Variants in SPTBN5 observed in about 807,000 individuals in gnomAD.
SPTBN5 encodes spectrin beta, non-erythrocytic 5.
A neutral mutation model predicts 477.6 loss-of-function variants in SPTBN5; 513 were observed. The observed-to-expected ratio is 1.07, with a 90% CI of 1.00 to 1.16. The LOEUF is 1.16. SPTBN5 is among the 50% of genes most tolerant of loss of function. The pLI, the probability that SPTBN5 is intolerant of heterozygous loss-of-function variation, is 0.00. For missense variants in SPTBN5, 5,062 were observed against 4,731.8 expected, an observed-to-expected ratio of 1.07 and a Z score of -2.05; for synonymous variants, 2,169 against 2,011.7, an observed-to-expected ratio of 1.08 and a Z score of -2.09.
intron 66 of SPTBN5, 150 bp downstream of exon 66, chr15:41,850,704 A>ATTCT (rs2065723447): frequency 2.7e-6 from 2 of 728,208 alleles, no homozygotes; most frequent in East Asian, 5.4e-5. Context: ...CAGGACCTAA[A>ATTCT]TTCTTTGAGG....
intron 33 of SPTBN5, 49 bp downstream of exon 33, chr15:41,868,349 C>T: frequency 6.4e-7 from 1 of 1,574,404 alleles, no homozygotes; most frequent in African/African-American, 1.3e-5. Context: ...TGGCCAGGCA[C>T]AGGCTTGGTC....
chr15:41,852,723 C>T lies in SPTBN5; in HGVS notation c.10360G>A (p.Asp3454Asn), dbSNP rs1461558888. The change falls in exon 61 of 68, where the codon GAT (aspartate) becomes AAT (asparagine). Residue 3454 changes from aspartate to asparagine, a missense_variant. Coordinates refer to ENST00000320955, the MANE Select transcript of SPTBN5 (RefSeq NM_016642.4). ...TGTCTGTGCAGCAGCAACTCCACAT[C>T]TGACACTGAGTGCTGGGGAGAAGCA... ...LKPDYGHSVS[D>N]VELLLHRHQD... is the part of the protein sequence containing the mutation. 6 of 1,612,986 alleles carry T rather than the reference C, an allele frequency of 3.7e-6. No individual in the cohort carries two copies. The South Asian group carries it at 6.6e-5, about 18-fold the overall frequency.
chr15:41,852,769 T>TGGTG (rs1555460253), intron 60 of SPTBN5, 34 bp from the exon 61 acceptor site: 1 of 1,272,806 alleles, frequency 7.9e-7, no homozygotes, highest in Admixed American at 2.0e-5. Context: ...ACGCCCAGCT[T>TGGTG]GGGGGGGGGG....
At chr15:41,881,892 T>C in intron 12 of SPTBN5, 44 bp downstream of exon 12, 1 of 1,484,192 alleles carries the variant, frequency 6.7e-7, no homozygotes, top group Non-Finnish European at 8.9e-7. Flanking sequence ...CCAGCCGCGG[T>C]GGAGCAAGGG....
In SPTBN5 at chr15:41,852,973, C is replaced by T; in HGVS notation, c.10198G>A (p.Gly3400Arg). The change falls in exon 60 of 68, where the codon GGG (glycine) becomes AGG (arginine). Residue 3400 changes from glycine (G) to arginine (R), a missense_variant. Physicochemically the swap from Gly to Arg is moderately radical, Grantham distance 125. Coordinates refer to ENST00000320955, the MANE Select transcript of SPTBN5 (RefSeq NM_016642.4). ...EVTECLQELE[G>R]RLQELEEAWA... ...GCCTCCTCCAGCTCCTGCAGCCGCC[C>T]TTCCAGCTCCTGCAGGCACTCTGTC... The T allele has an allele frequency of 5.1e-6, 8 of 1,557,126 alleles. No individual in the cohort carries two copies. The highest frequency in any genetic ancestry group is 6.9e-6 in the Non-Finnish European group (8 of 1,151,168).
chr15:41,892,339 T>G (rs940200780), intron 3 of SPTBN5, among the ~76,000 whole-genome samples: 4 of 150,832 alleles, frequency 2.7e-5, no homozygotes, highest in African/African-American at 9.8e-5. Flanking sequence ...GCCATGAGGG[T>G]CCCTCTGTCC....
chr15:41,857,127 G>A, intron 51 of SPTBN5, 88 bp from the exon 52 acceptor site: 1 of 1,513,250 alleles, frequency 6.6e-7, no homozygotes, highest in Non-Finnish European at 8.9e-7. Context: ...CCCAGCTGTG[G>A]CCCTCACCAT....
At position 41,871,412 on chromosome 15, in the gene SPTBN5, C is replaced by G. The variant is rs1026418310; in HGVS notation, c.5410G>C (p.Ala1804Pro). The change falls in exon 29 of 68, where the codon GCT becomes CCT. Residue 1804 changes from alanine to proline, a missense_variant. By Grantham distance (27) the Ala-to-Pro change is conservative (BLOSUM62 -1). Transcript: ENST00000320955. ...AESLLERGHS[A>P]GPMVRQRQQD... is the part of the protein sequence containing the mutation. ...TGCCTCTGACGGACCATGGGGCCAG[C>G]ACTGTGCCCACGCTCTAGCAGGCTC... 6 of 1,535,720 alleles carry G rather than the reference C, an allele frequency of 3.9e-6. No individual in the cohort carries two copies. Among genetic ancestry groups the G allele is most frequent in the Non-Finnish European group, 3.5e-6 (4 of 1,139,850 alleles).
At chr15:41,883,519 T>C (rs1415834552) in intron 7 of SPTBN5, 33 bp from the exon 8 acceptor site, 45 of 1,603,804 alleles carry the variant, frequency 2.8e-5, no homozygotes, top group Non-Finnish European at 3.7e-5. Context: ...AGATCTCCTC[T>C]GGGTTGGGGC....
In SPTBN5 at chr15:41,874,975, G is replaced by C. The variant is rs751173688; in HGVS notation, c.4369C>G (p.Leu1457Val). Residue 1457 changes from leucine (L) to valine (V), a missense_variant, in exon 23 of 68, where the codon CTG (leucine) becomes GTG (valine). Leu to Val is a conservative substitution (Grantham distance 32). Transcript: ENST00000320955. ...TCCAGCTGTTGGTGCCGTTTCTGCA[G>C]CCTCTGGCTGGAGCGCAGGTCCTGC... ...TGQDLRSSQR[L>V]QKRHQQLESE... 4.3e-6 allele frequency: 7 copies of C among 1,613,750 alleles called. No individual in the cohort carries two copies. Among genetic ancestry groups the C allele is most frequent in the South Asian group, 3.3e-5 (3 of 91,074 alleles).
Position 41,856,927 on chromosome 15 carries a change from TCTC to T in SPTBN5, c.8731_8733del (p.Glu2911del). On this transcript the variant is annotated inframe_deletion, in exon 52 of 68. Coordinates refer to ENST00000320955, the MANE Select transcript of SPTBN5 (RefSeq NM_016642.4). ...TCCTGGGCAGCGGCCAGAGGCAGCT[TCTC>T]CTGCACCCAGGCCATTTCCTCGTCG... The T allele has an allele frequency of 1.3e-6, 2 of 1,565,544 alleles. No individual in the cohort carries two copies. The highest frequency in any genetic ancestry group is 1.7e-6 in the Non-Finnish European group (2 of 1,155,672).
chr15:41,872,185 T>G, intron 27 of SPTBN5, 117 bp downstream of exon 27: 1 of 1,312,306 alleles, frequency 7.6e-7, no homozygotes, highest in Non-Finnish European at 1.0e-6. Context: ...CTTTTCCCAA[T>G]GCATCTCTAC....
intron 65 of SPTBN5, 55 bp downstream of exon 65, chr15:41,851,004 C>T (rs532326536): frequency 4.1e-4 from 653 of 1,591,916 alleles, no homozygotes; most frequent in Admixed American, 5.5e-4. Context: ...CTCCAGCCCC[C>T]GCTGAGCCAG....
At position 41,853,654 on chromosome 15, in the gene SPTBN5, G is replaced by A. The variant is rs2140913191; in HGVS notation, c.9908C>T (p.Ala3303Val). The change falls in exon 58 of 68, where the codon GCC becomes GTC. Residue 3303 changes from alanine to valine, a missense_variant. Ala to Val is a moderately conservative substitution (Grantham distance 64). Coordinates refer to ENST00000320955, the MANE Select transcript of SPTBN5 (RefSeq NM_016642.4). ...CGCCAGCCACTGGCCTCGCTCCTGGGCCTTCGCCTGCAGGGTGGCCCAGGC... is the reference window on the plus strand; with the variant it reads ...CGCCAGCCACTGGCCTCGCTCCTGGACCTTCGCCTGCAGGGTGGCCCAGGC... ...QEAWATLQAK[A>V]QERGQWLAQA... 6.3e-7 allele frequency: 1 copy of A among 1,598,184 alleles called. No individual in the cohort carries two copies.
chr15:41,857,585 C>G lies in SPTBN5; in HGVS notation c.8352G>C (p.Gln2784His), dbSNP rs2065964010. The change falls in exon 50 of 68, where the codon CAG becomes CAC. Residue 2784 changes from glutamine to histidine, a missense_variant. Transcript: ENST00000320955. ...TGCACAACCTCACCTCACAGGCCTT[C>G]TGGAGCTTGGCCACCTTCTTCTGGG... ...DNSQKKVAKL[Q>H]KACEALRLRR... The G allele has an allele frequency of 6.2e-7, 1 of 1,609,524 alleles. No individual in the cohort carries two copies. The highest frequency in any genetic ancestry group is 1.7e-5 in the Admixed American group (1 of 59,556).
intron 49 of SPTBN5, 60 bp from the exon 50 acceptor site, chr15:41,857,770 G>T (rs138956278): frequency 2.5e-5 from 37 of 1,506,924 alleles, no homozygotes; most frequent in Non-Finnish European, 3.1e-5. Context: ...CAGGGCACTT[G>T]TGTTGACTCT....
chr15:41,852,066 C>G (rs2065781047), intron 62 of SPTBN5, 116 bp downstream of exon 62: 18 of 1,319,332 alleles, frequency 1.4e-5, no homozygotes, highest in African/African-American at 3.0e-5. Flanking sequence ...AGCTCCTGTG[C>G]CCGGGCTCCC....
chr15:41,874,730 T>G (rs934551061), intron 23 of SPTBN5, 112 bp downstream of exon 23: 2 of 1,119,264 alleles, frequency 1.8e-6, no homozygotes, highest in Admixed American at 2.7e-5. Context: ...CCAGAATGAC[T>G]CTACTCATAA....
chr15:41,860,964 G>C (rs902054532), intron 46 of SPTBN5, among the ~76,000 whole-genome samples: 7 of 152,280 alleles, frequency 4.6e-5, no homozygotes, highest in African/African-American at 1.7e-4. Flanking sequence ...TAGGGATCAA[G>C]AGCCAGAATC....
Sources: allele counts gnomAD v4.1 joint callset (sites outside exome capture counted in the v4.1 genomes callset), GRCh38; gene constraint gnomAD v4.1.1; transcripts MANE v1.5; gene names NCBI Gene and HGNC (gene_info 2026-07-23, HGNC 2026-07-21).